ABTB3: variants seen among roughly 807,000 people sequenced by gnomAD.
ABTB3 encodes ankyrin repeat- and BTB/POZ domain-containing protein 3.
chr12:107,620,265 A>G, the ABTB3 span: 1 of 1,444,658 alleles, frequency 6.9e-7, no homozygotes, highest in Non-Finnish European at 9.4e-7. Flanking sequence ...TTTGAGTGGG[A>G]TCACTACGGT....
the ABTB3 span, among the ~76,000 whole-genome samples, chr12:107,544,603 T>C: frequency 6.6e-6 from 1 of 152,214 alleles, no homozygotes; most frequent in Non-Finnish European, 1.5e-5. Flanking sequence ...GACTGTTCTT[T>C]GAAGCCAAAT....
chr12:107,328,905 G>A, the ABTB3 span, among the ~76,000 whole-genome samples: 1 of 152,148 alleles, frequency 6.6e-6, no homozygotes, highest in Non-Finnish European at 1.5e-5. Flanking sequence ...GTTGATGATT[G>A]TCCTTGCGCA....
chr12:107,534,430 G>A, the ABTB3 span, among the ~76,000 whole-genome samples: 1 of 151,618 alleles, frequency 6.6e-6, no homozygotes, highest in Non-Finnish European at 1.5e-5. Flanking sequence ...ATTAGGGGAA[G>A]GAAAGAAATA....
the ABTB3 span, among the ~76,000 whole-genome samples, chr12:107,655,669 C>T: frequency 6.6e-6 from 1 of 152,190 alleles, no homozygotes; most frequent in Non-Finnish European, 1.5e-5. Flanking sequence ...TGTATTACAT[C>T]TAACCGTTTG....
the ABTB3 span, among the ~76,000 whole-genome samples, chr12:107,620,397 T>TA: frequency 5.3e-5 from 8 of 152,192 alleles, no homozygotes; most frequent in Non-Finnish European, 1.5e-5. Flanking sequence ...ACTGCTTAGA[T>TA]ATCTTCTAAC....
chr12:107,652,262 G>C, the ABTB3 span, among the ~76,000 whole-genome samples: 2 of 152,224 alleles, frequency 1.3e-5, no homozygotes, highest in African/African-American at 4.8e-5. Context: ...CTTGAGGGGG[G>C]ACCCAGCCAC....
chr12:107,543,813 AT>A, the ABTB3 span: 1 of 875,710 alleles, frequency 1.1e-6, no homozygotes. Flanking sequence ...TCAAGGTCCC[AT>A]TGAACCACTT....
chr12:107,469,922 C>CTTTCTTTCTTTCTT, the ABTB3 span, among the ~76,000 whole-genome samples: 15 of 90,182 alleles, frequency 1.7e-4, 1 homozygote, highest in East Asian at 2.4e-3. Context: ...TTCTTTCTTT[C>CTTTCTTTCTTTCTT]TCTCTCTCTC....
chr12:107,456,053 G>A, the ABTB3 span, among the ~76,000 whole-genome samples: 1 of 152,188 alleles, frequency 6.6e-6, no homozygotes, highest in Admixed American at 6.5e-5. Flanking sequence ...AGAAGCATGA[G>A]AAATGGAATA....
chr12:107,594,700 A>G, the ABTB3 span, among the ~76,000 whole-genome samples: 3 of 152,034 alleles, frequency 2.0e-5, no homozygotes, highest in East Asian at 5.8e-4. Context: ...CATTCTTGGG[A>G]CAGTGTGTTG....
the ABTB3 span, among the ~76,000 whole-genome samples, chr12:107,517,655 T>G: frequency 6.6e-6 from 1 of 152,214 alleles, no homozygotes; most frequent in Non-Finnish European, 1.5e-5. Context: ...TCACTCATGA[T>G]TTGGCTCTCT....
the ABTB3 span, chr12:107,640,432 G>A: frequency 6.9e-6 from 10 of 1,448,478 alleles, no homozygotes; most frequent in South Asian, 1.3e-4. Flanking sequence ...CATCGGTTTT[G>A]AAAGCAGCTG....
At chr12:107,578,380 CTTCTTTTTTT>C in the ABTB3 span, among the ~76,000 whole-genome samples, 1 of 46,594 alleles carries the variant, frequency 2.1e-5, no homozygotes, top group Non-Finnish European at 4.5e-5. Flanking sequence ...TTTCTTTCTT[CTTCTTTTTTT>C]TTTTTTTTTT....
At chr12:107,630,915 C>A in the ABTB3 span, among the ~76,000 whole-genome samples, 1 of 152,142 alleles carries the variant, frequency 6.6e-6, no homozygotes, top group Admixed American at 6.5e-5. Flanking sequence ...GAGCTAAAAT[C>A]CAGACCTTAT....
the ABTB3 span, among the ~76,000 whole-genome samples, chr12:107,476,527 T>C: frequency 2.0e-5 from 3 of 151,914 alleles, no homozygotes; most frequent in Admixed American, 1.3e-4. Flanking sequence ...AAGGCAGAAA[T>C]GTAGTAAGTA....
At chr12:107,548,243 T>C in the ABTB3 span, among the ~76,000 whole-genome samples, 1 of 152,346 alleles carries the variant, frequency 6.6e-6, no homozygotes, top group Non-Finnish European at 1.5e-5. Context: ...TTGACTATCA[T>C]TATTCTGACA....
At chr12:107,365,141 C>T in the ABTB3 span, among the ~76,000 whole-genome samples, 26 of 152,172 alleles carry the variant, frequency 1.7e-4, no homozygotes, top group African/African-American at 5.8e-4. Flanking sequence ...TTCTTAGACT[C>T]GGTGACTTCA....
At chr12:107,452,525 G>A in the ABTB3 span, among the ~76,000 whole-genome samples, 1 of 151,960 alleles carries the variant, frequency 6.6e-6, no homozygotes, top group Non-Finnish European at 1.5e-5. Flanking sequence ...ACAGTGTCTA[G>A]GGGTAAGCCA....
At chr12:107,479,526 C>T in the ABTB3 span, among the ~76,000 whole-genome samples, 1 of 152,196 alleles carries the variant, frequency 6.6e-6, no homozygotes, top group East Asian at 1.9e-4. Flanking sequence ...CAGTGCCTGG[C>T]AGATACTAAG....
Sources: gnomAD v4.1 joint callset for allele counts (sites outside exome capture counted in the v4.1 genomes callset) on GRCh38, gnomAD v4.1.1 for gene constraint, MANE v1.5 for transcripts, NCBI Gene and HGNC (gene_info 2026-07-23, HGNC 2026-07-21) for gene names.